HIVEP3: variants seen among roughly 807,000 people sequenced by gnomAD.
HIVEP3 encodes HIVEP zinc finger 3, also known as transcription factor HIVEP3.
HIVEP3 carries 49 observed loss-of-function variants against 152.8 expected under a neutral mutation model. The observed-to-expected ratio is 0.32, with a 90% CI of 0.26 to 0.41. The LOEUF is 0.41. Ranked by LOEUF, HIVEP3 falls within the 10% of genes least tolerant of loss-of-function variation. The pLI is 1.00. For missense variants in HIVEP3, 2,790 were observed against 3,103.3 expected, an observed-to-expected ratio of 0.90 and a Z score of 2.40; for synonymous variants, 1,269 against 1,289.0, an observed-to-expected ratio of 0.98 and a Z score of 0.33.
At chr1:41,825,831 C>T (rs970057169) in intron 1 of HIVEP3, among the ~76,000 whole-genome samples, 2 of 152,068 alleles carry the variant, frequency 1.3e-5, no homozygotes, top group Non-Finnish European at 2.9e-5. Context: ...TGGTCTCGAA[C>T]TGCTGGGCTC....
chr1:41,661,248 C>A (rs976404684), intron 2 of HIVEP3, among the ~76,000 whole-genome samples: 3 of 152,168 alleles, frequency 2.0e-5, no homozygotes, highest in Admixed American at 6.5e-5. Context: ...CTTGATGAAA[C>A]ATCAATCAAT....
intron 1 of HIVEP3, among the ~76,000 whole-genome samples, chr1:41,812,484 T>A (rs1253728005): frequency 6.6e-6 from 1 of 152,024 alleles, no homozygotes; most frequent in African/African-American, 2.4e-5. Flanking sequence ...TAAGATGTCA[T>A]GGATATGGAA....
In HIVEP3 at chr1:41,583,141, G is replaced by A. The variant is rs763150875; in HGVS notation, c.1657C>T (p.Pro553Ser). Residue 553 changes from proline (P) to serine (S), a missense_variant, in exon 4 of 9, where the codon CCC (proline) becomes TCC (serine). Pro to Ser is a moderately conservative substitution (Grantham distance 74). Transcript: ENST00000372583. The surrounding 1 kb of genome is among the most constrained non-coding windows in gnomAD (Gnocchi z 6.9). Reference protein sequence around the residue: ...MPSAACTISTPHHPFRGSYSF... With the variant: ...MPSAACTISTSHHPFRGSYSF... ...TAGCTACCTCGGAAGGGGTGGTGGG[G>A]GGTGCTGATAGTGCAGGCGGCAGAA... 43 of 1,613,344 alleles carry A rather than the reference G, an allele frequency of 2.7e-5. 1 individual carries two copies. In the South Asian group the frequency reaches 4.7e-4, roughly 18 times the overall value.
In HIVEP3 at chr1:41,509,333, T is replaced by A. The variant is rs1331261659; in HGVS notation, c.*1118A>T. 2 of 152,098 alleles carry A rather than the reference T, an allele frequency of 1.3e-5. No homozygotes were observed. Among genetic ancestry groups the A allele is most frequent in the African/African-American group, 4.8e-5 (2 of 41,380 alleles). 9.4% of individuals were successfully genotyped at this position (152,098 alleles called of 1,614,324 possible). On this transcript the variant is annotated 3_prime_UTR_variant, in exon 9 of 9. Transcript: ENST00000372583. ...CAGGGGCAGGGACGGGGGGAAACGG[T>A]CCTGTGGCAAAGTGGTCCTGAAACA... is the stretch of plus-strand genomic sequence containing the variant.
At chr1:41,895,538 C>A (rs1016261513) in intron 1 of HIVEP3, among the ~76,000 whole-genome samples, 1 of 152,204 alleles carries the variant, frequency 6.6e-6, no homozygotes, top group Non-Finnish European at 1.5e-5. Flanking sequence ...CCAGGCCAAT[C>A]AGAAGTACTG....
chr1:41,899,611 T>C (rs1275258112), intron 1 of HIVEP3, among the ~76,000 whole-genome samples: 3 of 152,170 alleles, frequency 2.0e-5, no homozygotes, highest in Admixed American at 1.3e-4. Flanking sequence ...TTTCACCACG[T>C]TGGCCGGGCT....
intron 1 of HIVEP3, among the ~76,000 whole-genome samples, chr1:41,728,316 G>A (rs1324825097): frequency 6.6e-6 from 1 of 152,182 alleles, no homozygotes; most frequent in Non-Finnish European, 1.5e-5. Flanking sequence ...TCCAAAGCCA[G>A]GCACAAATTC....
intron 1 of HIVEP3, among the ~76,000 whole-genome samples, chr1:41,743,811 G>A (rs781567028): frequency 3.3e-5 from 5 of 152,072 alleles, no homozygotes; most frequent in African/African-American, 7.2e-5. Flanking sequence ...ATTGAATGCC[G>A]GCCATCAGGC....
intron 1 of HIVEP3, among the ~76,000 whole-genome samples, chr1:41,785,724 C>T (rs962856474): frequency 1.3e-5 from 2 of 152,158 alleles, no homozygotes; most frequent in Admixed American, 1.3e-4. Context: ...GGGCTGGGTG[C>T]ACTAGCTCAC....
chr1:41,829,086 C>T (rs961788523), intron 1 of HIVEP3, among the ~76,000 whole-genome samples: 2 of 152,074 alleles, frequency 1.3e-5, no homozygotes, highest in East Asian at 3.9e-4. Flanking sequence ...GACCCACTGG[C>T]TTGGCCTGCC....
intron 1 of HIVEP3, among the ~76,000 whole-genome samples, chr1:41,928,791 T>G (rs942132640): frequency 2.0e-5 from 3 of 152,166 alleles, no homozygotes; most frequent in Non-Finnish European, 4.4e-5. Context: ...TTGGCAAGAA[T>G]GCCACAGAAA....
intron 1 of HIVEP3, among the ~76,000 whole-genome samples, chr1:41,972,898 T>C (rs1178918031): frequency 6.6e-6 from 1 of 152,212 alleles, no homozygotes; most frequent in Non-Finnish European, 1.5e-5. Context: ...GGAAACTCTT[T>C]TCAATAATTC....
At chr1:41,628,624 A>G in intron 3 of HIVEP3, 125 bp downstream of exon 3, 1 of 785,268 alleles carries the variant, frequency 1.3e-6, no homozygotes, top group Middle Eastern at 4.3e-4. Flanking sequence ...GAGGCACCAG[A>G]AAGGCAACGA....
At chr1:41,754,008 G>A (rs1647214560) in intron 1 of HIVEP3, among the ~76,000 whole-genome samples, 1 of 149,592 alleles carries the variant, frequency 6.7e-6, no homozygotes, top group Non-Finnish European at 1.5e-5. Context: ...GGAAGGTGAG[G>A]AAGTGAGTGA....
At chr1:41,754,061 T>C (rs1285558750) in intron 1 of HIVEP3, among the ~76,000 whole-genome samples, 1 of 152,136 alleles carries the variant, frequency 6.6e-6, no homozygotes, top group Admixed American at 6.5e-5. Flanking sequence ...CAGAGAGAAC[T>C]GTCTTCCAGA....
chr1:42,013,543 G>C (rs1164899149), intron 1 of HIVEP3, among the ~76,000 whole-genome samples: 1 of 152,176 alleles, frequency 6.6e-6, no homozygotes, highest in Non-Finnish European at 1.5e-5. Context: ...TATTATAACA[G>C]TCCAAATGCT....
intron 5 of HIVEP3, among the ~76,000 whole-genome samples, chr1:41,525,413 T>C (rs1482708308): frequency 6.6e-6 from 1 of 151,766 alleles, no homozygotes; most frequent in East Asian, 1.9e-4. Flanking sequence ...CCCCGAGATT[T>C]AGAGACAGTG....
At chr1:41,806,122 C>T (rs1056831586) in intron 1 of HIVEP3, among the ~76,000 whole-genome samples, 2 of 152,168 alleles carry the variant, frequency 1.3e-5, no homozygotes, top group Non-Finnish European at 2.9e-5. Context: ...TGCCCTCTGC[C>T]TTCCTTCCTG....
chr1:41,574,791 T>C (rs914343842), intron 5 of HIVEP3, among the ~76,000 whole-genome samples: 1 of 152,144 alleles, frequency 6.6e-6, no homozygotes, highest in African/African-American at 2.4e-5. Flanking sequence ...CAGAACGCCA[T>C]GGGACCTGCT....
Sources: allele counts gnomAD v4.1 joint callset (sites outside exome capture counted in the v4.1 genomes callset), GRCh38; gene constraint gnomAD v4.1.1; non-coding constraint Gnocchi (gnomAD v3.1); transcripts MANE v1.5; gene names NCBI Gene and HGNC (gene_info 2026-07-23, HGNC 2026-07-21).